PSME3IP1: variants seen among roughly 807,000 people sequenced by gnomAD.
The protein encoded by PSME3IP1 is proteasome activator subunit 3 interacting protein 1.
A neutral mutation model predicts 34.1 loss-of-function variants in PSME3IP1; 13 were observed. The observed-to-expected ratio is 0.38, with a 90% CI of 0.25 to 0.61. The LOEUF (loss-of-function observed/expected upper bound fraction) is 0.61, where lower values mean the gene tolerates loss of function less well. Among genes scored for constraint, PSME3IP1 ranks in the 20% least tolerant of loss-of-function variants. PSME3IP1 has a pLI of 0.60. For synonymous variants in PSME3IP1, 93 were observed against 114.3 expected, an observed-to-expected ratio of 0.81 and a Z score of 1.19; for missense variants, 237 against 301.4, an observed-to-expected ratio of 0.79 and a Z score of 1.58.
intron 5 of PSME3IP1, among the ~76,000 whole-genome samples, chr16:57,166,764 C>T (rs2071924727): frequency 6.6e-6 from 1 of 152,232 alleles, no homozygotes; most frequent in Non-Finnish European, 1.5e-5. Context: ...TTGGTCTTCT[C>T]ATCTACAAAA....
At chr16:57,159,853 CA>C (rs2071014098) in intron 6 of PSME3IP1, among the ~76,000 whole-genome samples, 1 of 152,122 alleles carries the variant, frequency 6.6e-6, no homozygotes, top group Non-Finnish European at 1.5e-5. Flanking sequence ...TGTAGAAATA[CA>C]TTTAAGATTC....
Position 57,160,704 on chromosome 16 carries a change from C to T in PSME3IP1, c.547+3297G>A, listed in dbSNP as rs143401719. 1.6e-4 allele frequency among the ~76,000 whole-genome samples: 25 copies of T among 152,274 alleles called. No homozygotes were observed. The East Asian group carries it at 2.9e-3, about 18-fold the overall frequency. On this transcript the variant is annotated intron_variant, in intron 6 of 6. Coordinates refer to ENST00000309137, the MANE Select transcript of PSME3IP1 (RefSeq NM_024946.4). ...AATACTACACAGCCTTAAAAAGGAA[C>T]GAGGAAGTGCTCTATGTCCAGTTAT...
chr16:57,163,178 A>C (rs2071474354), intron 6 of PSME3IP1, among the ~76,000 whole-genome samples: 2 of 152,134 alleles, frequency 1.3e-5, no homozygotes, highest in South Asian at 4.1e-4. Context: ...AAAAAGAAAA[A>C]AAAAAGTATA....
intron 4 of PSME3IP1, among the ~76,000 whole-genome samples, chr16:57,171,638 G>A (rs1215215543): frequency 6.6e-6 from 1 of 152,186 alleles, no homozygotes; most frequent in Non-Finnish European, 1.5e-5. Context: ...GCACCTGGAG[G>A]CATAGGACTA....
intron 5 of PSME3IP1, among the ~76,000 whole-genome samples, chr16:57,165,148 C>T (rs2071711205): frequency 6.7e-6 from 1 of 150,230 alleles, no homozygotes; most frequent in Non-Finnish European, 1.5e-5. Flanking sequence ...GCCTCTAAGA[C>T]ACTGTTATAT....
intron 6 of PSME3IP1, among the ~76,000 whole-genome samples, chr16:57,157,816 C>T (rs1370839249): frequency 6.6e-6 from 1 of 152,094 alleles, no homozygotes; most frequent in Non-Finnish European, 1.5e-5. Flanking sequence ...CTTGGGTAGA[C>T]AATTTTTTAA....
chr16:57,167,890 T>C (rs1032982601), intron 4 of PSME3IP1, among the ~76,000 whole-genome samples: 1 of 152,244 alleles, frequency 6.6e-6, no homozygotes, highest in Non-Finnish European at 1.5e-5. Context: ...TGTGCATATA[T>C]ACAAGAACTG....
At chr16:57,172,965 T>C (rs750452209) in intron 2 of PSME3IP1, 91 bp from the exon 3 acceptor site, 21 of 872,568 alleles carry the variant, frequency 2.4e-5, no homozygotes, top group South Asian at 1.4e-5. Context: ...ACAAAAGGTT[T>C]TAAAGACAAA....
intron 5 of PSME3IP1, 133 bp downstream of exon 5, chr16:57,166,960 G>T: frequency 1.0e-6 from 1 of 955,974 alleles, no homozygotes; most frequent in Non-Finnish European, 1.6e-6. Context: ...TGGAAAGGGA[G>T]AGATAGGTGA....
chr16:57,166,997 T>G, intron 5 of PSME3IP1, 96 bp downstream of exon 5: 1 of 1,438,074 alleles, frequency 7.0e-7, no homozygotes, highest in Non-Finnish European at 9.6e-7. Flanking sequence ...TCACCAGGAC[T>G]CACGCGAGGC....
chr16:57,158,966 C>T (rs528785203), intron 6 of PSME3IP1, among the ~76,000 whole-genome samples: 55 of 152,224 alleles, frequency 3.6e-4, no homozygotes, highest in African/African-American at 1.3e-3. Context: ...AGTAAAAATA[C>T]GATATTATGA....
At chr16:57,167,737 C>A (rs1414634571) in intron 4 of PSME3IP1, among the ~76,000 whole-genome samples, 1 of 152,170 alleles carries the variant, frequency 6.6e-6, no homozygotes, top group East Asian at 1.9e-4. Context: ...TTAAACATGT[C>A]AAGTCCCTCC....
rs1318764241 is a variant in PSME3IP1 at position 57,153,592 on chromosome 16, A to G, written c.*698T>C. On this transcript the variant is annotated 3_prime_UTR_variant, in exon 7 of 7. Transcript: ENST00000309137. ...ACAAACATAAAATAATTTCCCAGGC[A>G]GAGAAAAGGTTTGAGATGGAAGCGT... The G allele has an allele frequency of 2.0e-5, 3 of 152,254 alleles. No individual in the cohort carries two copies. Among genetic ancestry groups the G allele is most frequent in the South Asian group, 2.1e-4 (1 of 4,836 alleles). 9.4% of individuals were successfully genotyped at this position (152,254 alleles called of 1,614,324 possible).
At chr16:57,178,779 T>G (rs979439213) in intron 1 of PSME3IP1, 1 of 985,376 alleles carries the variant, frequency 1.0e-6, no homozygotes, top group Non-Finnish European at 1.2e-6. Context: ...TGATTAAAAA[T>G]GGTCACTTAT....
rs1555495521 is a variant in PSME3IP1 at position 57,182,565 on chromosome 16, A to AAAC, written c.-16+3255_-16+3256insGTT. ...CCCATTTCCCTTAAAAAAAAAAAAA[A>AAAC]AAAAAAAAAAACTTTGCATTACAAT... is the stretch of plus-strand genomic sequence containing the variant. On this transcript the variant is annotated intron_variant, in intron 1 of 6. Transcript: ENST00000309137. Among the ~76,000 whole-genome samples the AAAC allele has an allele frequency of 4.0e-3, 599 of 150,368 alleles. 8 individuals carry two copies. Among genetic ancestry groups the AAAC allele is most frequent in the African/African-American group, 0.014 (584 of 40,808 alleles).
At chr16:57,175,592 T>G (rs538874200) in intron 1 of PSME3IP1, 1 of 152,356 alleles carries the variant, frequency 6.6e-6, no homozygotes, top group African/African-American at 2.4e-5. Context: ...TCATTGACCC[T>G]ATGAGAAATA....
rs548868074 is a variant in PSME3IP1, at chr16:57,178,266, C to T, written c.-15-4397G>A. On this transcript the variant is annotated intron_variant, in intron 1 of 6. Coordinates refer to ENST00000309137, the MANE Select transcript of PSME3IP1 (RefSeq NM_024946.4). ...TTTTCACCCGATGCAAACTGCTGCTCCAACCGCCCAGAATCAGACTAAAGA... is the reference window on the plus strand; with the variant it reads ...TTTTCACCCGATGCAAACTGCTGCTTCAACCGCCCAGAATCAGACTAAAGA... Among the ~76,000 whole-genome samples, 37 of 152,328 alleles carry T rather than the reference C, an allele frequency of 2.4e-4. 1 individual carries two copies. The highest frequency in any genetic ancestry group is 1.2e-3 in the South Asian group (6 of 4,828).
intron 1 of PSME3IP1, among the ~76,000 whole-genome samples, chr16:57,183,086 A>G (rs909075239): frequency 1.3e-5 from 2 of 152,244 alleles, no homozygotes; most frequent in South Asian, 4.1e-4. Context: ...AGAGGCACTA[A>G]GCAGTTCAGA....
intron 5 of PSME3IP1, among the ~76,000 whole-genome samples, chr16:57,165,616 T>C (rs1282180799): frequency 6.6e-6 from 1 of 152,104 alleles, no homozygotes; most frequent in African/African-American, 2.4e-5. Context: ...CTCCCAGACT[T>C]CACTTCAAAC....
Sources: allele counts gnomAD v4.1 joint callset (sites outside exome capture counted in the v4.1 genomes callset), GRCh38; gene constraint gnomAD v4.1.1; transcripts MANE v1.5; gene names NCBI Gene and HGNC (gene_info 2026-07-23, HGNC 2026-07-21).